ATP10D: variants seen among roughly 807,000 people sequenced by gnomAD.
ATP10D encodes ATPase phospholipid transporting 10D (putative).
Under a neutral mutation model 144.8 loss-of-function variants are expected in ATP10D, and 89 were observed. The ratio of observed to expected loss-of-function variants is 0.61; its 90% CI spans 0.52 to 0.73. ATP10D has a LOEUF of 0.73. Ranked by LOEUF, ATP10D falls within the 30% of genes least tolerant of loss-of-function variation. The pLI is 0.00. For missense variants in ATP10D, 1,603 were observed against 1,714.8 expected, an observed-to-expected ratio of 0.93 and a Z score of 1.15; for synonymous variants, 571 against 615.1, an observed-to-expected ratio of 0.93 and a Z score of 1.06.
intron 10 of ATP10D, among the ~76,000 whole-genome samples, chr4:47,548,107 T>A (rs1718536410): frequency 6.6e-6 from 1 of 152,188 alleles, no homozygotes; most frequent in South Asian, 2.1e-4. Context: ...CACCTGAAAG[T>A]AAGAACATGT....
At chr4:47,577,340 G>A (rs1490084631) in intron 19 of ATP10D, among the ~76,000 whole-genome samples, 1 of 152,180 alleles carries the variant, frequency 6.6e-6, no homozygotes, top group Non-Finnish European at 1.5e-5. Context: ...CTAAGATGAA[G>A]AATCTGAACC....
At chr4:47,581,872 C>T in intron 20 of ATP10D, 88 bp from the exon 21 acceptor site, 1 of 1,045,546 alleles carries the variant, frequency 9.6e-7, no homozygotes, top group Non-Finnish European at 1.5e-6. Flanking sequence ...AGAAGGGATT[C>T]AAGCCTTGGT....
rs776030711 is a variant in ATP10D, at chr4:47,557,836, T to TGAAA, written c.1998_2001dup (p.Pro668GlufsTer15). 1 of 1,614,216 alleles carries TGAAA rather than the reference T, an allele frequency of 6.2e-7. No individual in the cohort carries two copies. The highest frequency in any genetic ancestry group is 8.5e-7 in the Non-Finnish European group (1 of 1,180,036). Reference sequence around the variant, plus strand: ...AGCAGACTCCCTCTCTTTAGTCGAATGAAACCAGCTTCACCTGTGGAGGAA... The same window carrying TGAAA: ...AGCAGACTCCCTCTCTTTAGTCGAATGAAAGAAACCAGCTTCACCTGTGGAGGAA... On this transcript the variant is annotated frameshift_variant, in exon 12 of 23. Coordinates refer to ENST00000273859, the MANE Select transcript of ATP10D (RefSeq NM_020453.4). LOFTEE classifies it high-confidence loss of function.
intron 5 of ATP10D, among the ~76,000 whole-genome samples, chr4:47,533,205 A>G (rs1056075442): frequency 1.3e-5 from 2 of 152,066 alleles, no homozygotes; most frequent in African/African-American, 4.8e-5. Flanking sequence ...GATAAGAAAA[A>G]AAAAATGCCA....
chr4:47,576,868 C>T lies in ATP10D; in HGVS notation c.3462C>T (p.Leu1154=), dbSNP rs1720268622. Residue 1154 remains leucine, a synonymous_variant, in exon 19 of 23, where the codon CTC becomes CTT. Transcript: ENST00000273859. ...GGGTTTTGATCTTCTTCAACCTCCT[C>T]TTCACATCTGCCCCTCCTGTCATTT... The part of the protein sequence containing the change: ...DYWVLIFFNL[L]FTSAPPVIYG... 6.2e-7 allele frequency: 1 copy of T among 1,614,036 alleles called. No individual in the cohort carries two copies. The highest frequency in any genetic ancestry group is 1.7e-5 in the Admixed American group (1 of 60,004).
chr4:47,555,069 C>T (rs1039497846), intron 11 of ATP10D, among the ~76,000 whole-genome samples, 155 bp downstream of exon 11: 1 of 152,130 alleles, frequency 6.6e-6, no homozygotes, highest in Non-Finnish European at 1.5e-5. Context: ...CTGCACTTAC[C>T]ATGGTCTATG....
At chr4:47,521,628 T>C (rs912717460) in intron 3 of ATP10D, among the ~76,000 whole-genome samples, 1 of 152,186 alleles carries the variant, frequency 6.6e-6, no homozygotes, top group Non-Finnish European at 1.5e-5. Flanking sequence ...GGACCTTTAG[T>C]TACTCTCCAT....
intron 5 of ATP10D, among the ~76,000 whole-genome samples, chr4:47,532,851 G>A (rs989485864): frequency 1.3e-5 from 2 of 152,106 alleles, no homozygotes; most frequent in Non-Finnish European, 2.9e-5. Context: ...CGGGAGTCCA[G>A]ACTGCATGTT....
At position 47,572,905 on chromosome 4, in the gene ATP10D, T is replaced by A. The variant is rs759832169; in HGVS notation, c.3274T>A (p.Phe1092Ile). 8.1e-6 allele frequency: 13 copies of A among 1,614,142 alleles called. No homozygotes were observed. Among genetic ancestry groups the A allele is most frequent in the Non-Finnish European group, 1.1e-5 (13 of 1,180,032 alleles). ...GGCCAGTGACTTTGCCGTTTCTCAG[T>A]TCAAACATCTCAGCAAGCTCCTTCT... ...VMASDFAVSQFKHLSKLLLVH... is the reference protein window; with the variant it reads ...VMASDFAVSQIKHLSKLLLVH... The change falls in exon 18 of 23, where the codon TTC becomes ATC. Residue 1092 changes from phenylalanine to isoleucine, a missense_variant. Transcript: ENST00000273859.
intron 2 of ATP10D, 38 bp downstream of exon 2, chr4:47,512,868 T>C (rs936205011): frequency 6.5e-7 from 1 of 1,529,552 alleles, no homozygotes; most frequent in African/African-American, 1.4e-5. Context: ...TAGAATATCA[T>C]TCTAGTTGAT....
In ATP10D at chr4:47,580,407, C is replaced by A; in HGVS notation, c.3577C>A (p.Pro1193Thr). ...TCTGCTTCATTTCTAGGCATACTTA[C>A]CCCATACCTTCTGGATCACCTTATT... ...RSGQKSEAYL[P>T]HTFWITLLDA... is the part of the protein sequence containing the mutation. Residue 1193 changes from proline (P) to threonine (T), a missense_variant, in exon 20 of 23, where the codon CCC becomes ACC. Pro to Thr is a conservative substitution (Grantham distance 38, BLOSUM62 -1). Transcript: ENST00000273859. 6.2e-7 allele frequency: 1 copy of A among 1,613,080 alleles called. No homozygotes were observed. Among genetic ancestry groups the A allele is most frequent in the Non-Finnish European group, 8.5e-7 (1 of 1,179,170 alleles).
rs113293526 is a variant in ATP10D, at chr4:47,488,896, G to A, written c.-38+3377G>A. Among the ~76,000 whole-genome samples the A allele has an allele frequency of 2.4e-3, 368 of 152,308 alleles. 2 individuals are homozygous for A. Among genetic ancestry groups the A allele is most frequent in the African/African-American group, 8.4e-3 (348 of 41,578 alleles). On this transcript the variant is annotated intron_variant, in intron 1 of 22. Coordinates refer to ENST00000273859, the MANE Select transcript of ATP10D (RefSeq NM_020453.4). Reference sequence around the variant, plus strand: ...CTTGCCCCTTCCACCATGGGAGGATGCAGTGAGAAGGTGCCACCTATGAAT... The same window carrying A: ...CTTGCCCCTTCCACCATGGGAGGATACAGTGAGAAGGTGCCACCTATGAAT...
chr4:47,487,052 G>C (rs978714682), intron 1 of ATP10D, among the ~76,000 whole-genome samples: 1 of 151,986 alleles, frequency 6.6e-6, no homozygotes, highest in Non-Finnish European at 1.5e-5. Flanking sequence ...CCAACATGGC[G>C]AAACCCGTCT....
Position 47,536,869 on chromosome 4 carries a change from C to G in ATP10D, c.1327C>G (p.Leu443Val). Residue 443 changes from leucine (L) to valine (V), a missense_variant, in exon 9 of 23, where the codon CTC becomes GTC. Physicochemically the swap from Leu to Val is conservative, Grantham distance 32 (BLOSUM62 1). Transcript: ENST00000273859. ...CCTCTTTTCCGATAAGACAGGAACCCTCACTGAGAATAAGATGGTTTTTCG... is the reference window on the plus strand; with the variant it reads ...CCTCTTTTCCGATAAGACAGGAACCGTCACTGAGAATAAGATGGTTTTTCG... Reference protein sequence around the residue: ...QYLFSDKTGTLTENKMVFRRC... With the variant: ...QYLFSDKTGTVTENKMVFRRC... 1 of 1,613,392 alleles carries G rather than the reference C, an allele frequency of 6.2e-7. No homozygotes were observed.
At chr4:47,566,123 AT>A (rs1209709495) in intron 15 of ATP10D, among the ~76,000 whole-genome samples, 1 of 152,202 alleles carries the variant, frequency 6.6e-6, no homozygotes, top group Non-Finnish European at 1.5e-5. Context: ...AATTGCTCCT[AT>A]AACATTCTAA....
At chr4:47,527,128 T>C (rs1717288723) in intron 5 of ATP10D, among the ~76,000 whole-genome samples, 1 of 152,118 alleles carries the variant, frequency 6.6e-6, no homozygotes, top group Non-Finnish European at 1.5e-5. Context: ...TGGAAGAGAT[T>C]ATAGAGTCTA....
At chr4:47,590,853 C>T (rs1448054444) in intron 22 of ATP10D, among the ~76,000 whole-genome samples, 189 bp from the exon 23 acceptor site, 2 of 151,904 alleles carry the variant, frequency 1.3e-5, no homozygotes, top group East Asian at 3.9e-4. Flanking sequence ...AATTGCTTTA[C>T]AAATATTAAT....
At chr4:47,567,158 A>G (rs546907885) in intron 15 of ATP10D, among the ~76,000 whole-genome samples, 208 of 152,350 alleles carry the variant, frequency 1.4e-3, no homozygotes, top group Middle Eastern at 0.01. Flanking sequence ...TGTGACACTC[A>G]AATGTCACTC....
In ATP10D at chr4:47,536,498, T is replaced by C. The variant is rs574679729; in HGVS notation, c.1077T>C (p.Asp359=). 2 of 1,613,694 alleles carry C rather than the reference T, an allele frequency of 1.2e-6. No homozygotes were observed. Among genetic ancestry groups the C allele is most frequent in the Non-Finnish European group, 1.7e-6 (2 of 1,179,650 alleles). The change falls in exon 8 of 23, where the codon GAT becomes GAC. Residue 359 remains aspartate, a synonymous_variant. Coordinates refer to ENST00000273859, the MANE Select transcript of ATP10D (RefSeq NM_020453.4). Reference sequence around the variant, plus strand: ...ATTTTTTCAATGTTCCCGAGCCTGATGGACATATCATATCACCACTGTTGG... The same window carrying C: ...ATTTTTTCAATGTTCCCGAGCCTGACGGACATATCATATCACCACTGTTGG... The part of the protein sequence containing the change: ...KMHFFNVPEP[D]GHIISPLLAG...
Sources: gnomAD v4.1 joint callset for allele counts (sites outside exome capture counted in the v4.1 genomes callset) on GRCh38, gnomAD v4.1.1 for gene constraint, MANE v1.5 for transcripts, NCBI Gene and HGNC (gene_info 2026-07-23, HGNC 2026-07-21) for gene names.